TFDP1: variants seen among roughly 807,000 people sequenced by gnomAD.
TFDP1 encodes transcription factor Dp-1.
TFDP1 carries 6 observed loss-of-function variants against 48.0 expected under a neutral mutation model. That is an observed-to-expected ratio of 0.13 (90% CI 0.07 to 0.25). TFDP1 has a LOEUF of 0.25. Ranked by LOEUF, TFDP1 falls within the 10% of genes least tolerant of loss-of-function variation. TFDP1 has a pLI of 1.00. For missense variants in TFDP1, 335 were observed against 543.0 expected (o/e 0.62, Z 3.81); for synonymous variants, 201 against 211.6 (o/e 0.95, Z 0.44).
chr13:113,636,744 G>A (rs1376684257), intron 10 of TFDP1, 44 bp downstream of exon 10: 1 of 1,595,068 alleles, frequency 6.3e-7, no homozygotes, highest in African/African-American at 1.3e-5. Context: ...GTGAGGAATG[G>A]CCCCCAGCCT....
In TFDP1 at chr13:113,613,657, G is replaced by A. The variant is rs57312799; in HGVS notation, c.79+2595G>A. Among the ~76,000 whole-genome samples the A allele has an allele frequency of 6.4e-3, 967 of 150,858 alleles. 15 individuals carry two copies. The highest frequency in any genetic ancestry group is 0.022 in the African/African-American group (888 of 40,732). ...TGTGCATGTGTGTCTGCGTGAATGC[G>A]TGGGTATGAGTGTGTGTGTGCATGA... On this transcript the variant is annotated intron_variant, in intron 3 of 11. Transcript: ENST00000375370.
chr13:113,589,696 G>C (rs535802709), intron 2 of TFDP1, among the ~76,000 whole-genome samples: 1 of 152,236 alleles, frequency 6.6e-6, no homozygotes, highest in Non-Finnish European at 1.5e-5. Context: ...AGTCTTGGAA[G>C]GTGCTTTGGC....
At position 113,633,268 on chromosome 13, in the gene TFDP1, A is replaced by G. The variant is rs746699653; in HGVS notation, c.457A>G (p.Ile153Val). The G allele has an allele frequency of 6.2e-7, 1 of 1,613,830 alleles. No individual in the cohort carries two copies. The highest frequency in any genetic ancestry group is 1.7e-5 in the Admixed American group (1 of 60,026). ...GGAGTTCAGTGCTGCCGACAACCACATCTTACCAAACGAGTCAGTAAGTGT... is the reference window on the plus strand; with the variant it reads ...GGAGTTCAGTGCTGCCGACAACCACGTCTTACCAAACGAGTCAGTAAGTGT... ...VAEFSAADNHILPNESAYDQK... is the reference protein window; with the variant it reads ...VAEFSAADNHVLPNESAYDQK... The change falls in exon 6 of 12, where the codon ATC becomes GTC. Residue 153 changes from isoleucine to valine, a missense_variant. Transcript: ENST00000375370. The surrounding 1 kb of genome is among the most constrained non-coding windows in gnomAD (Gnocchi z 4.5).
chr13:113,616,958 A>G (rs2048874346), intron 3 of TFDP1, among the ~76,000 whole-genome samples: 1 of 152,180 alleles, frequency 6.6e-6, no homozygotes, highest in South Asian at 2.1e-4. Flanking sequence ...TAGCCCAGTC[A>G]TGACATTTCT....
At chr13:113,634,296 T>A (rs2049415294) in intron 7 of TFDP1, 1 of 638,128 alleles carries the variant, frequency 1.6e-6, no homozygotes, top group African/African-American at 1.8e-5. Flanking sequence ...TGTTTTCTTT[T>A]TAGATACCAT....
chr13:113,609,330 TC>T (rs1451361284), intron 2 of TFDP1, among the ~76,000 whole-genome samples: 1 of 152,142 alleles, frequency 6.6e-6, no homozygotes, highest in Non-Finnish European at 1.5e-5. Context: ...CAATGGGACA[TC>T]CACCCACCTC....
chr13:113,603,295 T>A (rs1046865820), intron 2 of TFDP1, among the ~76,000 whole-genome samples: 1 of 152,212 alleles, frequency 6.6e-6, no homozygotes. Context: ...CTAGGGCTTG[T>A]GTGTCCCCAG....
rs80095031 is a variant in TFDP1, at chr13:113,603,628, A to G, written c.13-7368A>G. On this transcript the variant is annotated intron_variant, in intron 2 of 11. Coordinates refer to ENST00000375370, the MANE Select transcript of TFDP1 (RefSeq NM_007111.5). Reference sequence around the variant, plus strand: ...TGTTTTGCTGTTACTGCTGCTACTCATAGTATGGTTTTGTCTAATGTAAGA... The same window carrying G: ...TGTTTTGCTGTTACTGCTGCTACTCGTAGTATGGTTTTGTCTAATGTAAGA... Among the ~76,000 whole-genome samples the G allele has an allele frequency of 2.4e-4, 36 of 152,370 alleles. No homozygotes were observed. The East Asian group carries it at 6.9e-3, about 29-fold the overall frequency.
chr13:113,626,025 A>G (rs1237318139), intron 4 of TFDP1, among the ~76,000 whole-genome samples: 3 of 146,480 alleles, frequency 2.0e-5, no homozygotes, highest in Admixed American at 1.4e-4. Flanking sequence ...ACGTGTCCTC[A>G]GGTGTCTCTC....
At chr13:113,635,921 C>A (rs1356632151) in intron 8 of TFDP1, 56 bp from the exon 9 acceptor site, 8 of 1,578,860 alleles carry the variant, frequency 5.1e-6, no homozygotes, top group South Asian at 1.2e-5. Flanking sequence ...CCCTCGAGCA[C>A]AGGGGCTGCG....
chr13:113,607,630 C>T lies in TFDP1; in HGVS notation c.13-3366C>T, dbSNP rs1033619199. 6.6e-6 allele frequency among the ~76,000 whole-genome samples: 1 copy of T among 152,186 alleles called. No homozygotes were observed. The highest frequency in any genetic ancestry group is 2.1e-4 in the South Asian group (1 of 4,824). Reference sequence around the variant, plus strand: ...AACATTGAGGCTGGCGGAGAAAGACCGGCCCCTTCACCCCACCTTAGACTT... The same window carrying T: ...AACATTGAGGCTGGCGGAGAAAGACTGGCCCCTTCACCCCACCTTAGACTT... On this transcript the variant is annotated intron_variant, in intron 2 of 11. Coordinates refer to ENST00000375370, the MANE Select transcript of TFDP1 (RefSeq NM_007111.5). The surrounding 1 kb of genome is among the most constrained non-coding windows in gnomAD (Gnocchi z 5.2).
intron 3 of TFDP1, among the ~76,000 whole-genome samples, chr13:113,619,481 CAAAAAAAAAA>C (rs1162300447): frequency 9.0e-6 from 1 of 110,500 alleles, no homozygotes; most frequent in African/African-American, 3.3e-5. Flanking sequence ...AAAAAAAAAA[CAAAAAAAAAA>C]AAAAAAAAAG....
At chr13:113,585,878 G>C (rs750991366) in intron 2 of TFDP1, 29 bp downstream of exon 2, 59 of 1,595,644 alleles carry the variant, frequency 3.7e-5, no homozygotes, top group Non-Finnish European at 4.5e-5. Flanking sequence ...TGCTGCACAC[G>C]AATGTTTGCC....
chr13:113,608,821 C>T (rs2048634497), intron 2 of TFDP1, among the ~76,000 whole-genome samples: 1 of 152,206 alleles, frequency 6.6e-6, no homozygotes, highest in Non-Finnish European at 1.5e-5. Flanking sequence ...ACCATAGCCA[C>T]TTGGCCGTGT....
At chr13:113,639,043 G>T (rs1259206465) in intron 11 of TFDP1, among the ~76,000 whole-genome samples, 2 of 152,138 alleles carry the variant, frequency 1.3e-5, no homozygotes, top group Admixed American at 1.3e-4. Flanking sequence ...AGCCAGCCTT[G>T]GCCTCCTCAC....
At position 113,607,082 on chromosome 13, in the gene TFDP1, G is replaced by A. The variant is rs1345052618; in HGVS notation, c.13-3914G>A. Among the ~76,000 whole-genome samples, 3 of 152,236 alleles carry A rather than the reference G, an allele frequency of 2.0e-5. No individual in the cohort carries two copies. The highest frequency in any genetic ancestry group is 2.9e-5 in the Non-Finnish European group (2 of 68,040). ...AGCTGAGGGTGGCTTTGCAGTGTCCGGAGATGATTCTGGTTGTCCCACCCA... is the reference window on the plus strand; with the variant it reads ...AGCTGAGGGTGGCTTTGCAGTGTCCAGAGATGATTCTGGTTGTCCCACCCA... On this transcript the variant is annotated intron_variant, in intron 2 of 11. Transcript: ENST00000375370. This position sits in a 1 kb window ranked among gnomAD's most constrained non-coding sequence, Gnocchi z 5.2.
chr13:113,623,113 A>C lies in TFDP1; in HGVS notation c.80-67A>C. On this transcript the variant is annotated intron_variant, in intron 3 of 11. Transcript: ENST00000375370. This position sits in a 1 kb window ranked among gnomAD's most constrained non-coding sequence, Gnocchi z 5.2. ...ATTGCAAGCACCGTCTTGCATTTAG[A>C]ATGGTCGCTTGTAGCCTTAACTTAG... is the stretch of plus-strand genomic sequence containing the variant. 7.1e-7 allele frequency: 1 copy of C among 1,407,118 alleles called. No individual in the cohort carries two copies. Among genetic ancestry groups the C allele is most frequent in the Non-Finnish European group, 9.9e-7 (1 of 1,014,024 alleles). 87.2% of individuals were successfully genotyped at this position (1,407,118 alleles called of 1,614,324 possible).
intron 3 of TFDP1, among the ~76,000 whole-genome samples, chr13:113,616,106 G>A (rs2048850445): frequency 6.6e-6 from 1 of 151,916 alleles, no homozygotes; most frequent in Non-Finnish European, 1.5e-5. Flanking sequence ...AGGAGGCTGA[G>A]GCAGGAGAAT....
intron 3 of TFDP1, among the ~76,000 whole-genome samples, chr13:113,611,928 C>T (rs1033358349): frequency 6.6e-6 from 1 of 152,124 alleles, no homozygotes; most frequent in South Asian, 2.1e-4. Context: ...TCCACGTGGT[C>T]GCATCAGCCC....
Sources: allele counts gnomAD v4.1 joint callset (sites outside exome capture counted in the v4.1 genomes callset), GRCh38; gene constraint gnomAD v4.1.1; non-coding constraint Gnocchi (gnomAD v3.1); transcripts MANE v1.5; gene names NCBI Gene and HGNC (gene_info 2026-07-23, HGNC 2026-07-21).